CD46: variants seen among roughly 807,000 people sequenced by gnomAD.
The protein encoded by CD46 is CD46 molecule.
In CD46, 30 loss-of-function variants were observed where a neutral mutation model predicts 53.3. That is an observed-to-expected ratio of 0.56 (90% confidence interval 0.42 to 0.76). The LOEUF is 0.76. Among genes scored for constraint, CD46 ranks in the 30% least tolerant of loss-of-function variants. The pLI is 0.00. For synonymous variants in CD46, 142 were observed against 152.0 expected (o/e 0.93, Z 0.48); for missense variants, 409 against 463.0 (o/e 0.88, Z 1.07).
intron 12 of CD46, among the ~76,000 whole-genome samples, chr1:207,792,012 G>A (rs1253120658): frequency 6.6e-6 from 1 of 152,136 alleles, no homozygotes; most frequent in Non-Finnish European, 1.5e-5. Flanking sequence ...GCCAGTCCTG[G>A]TGGCTCACAC....
rs975930540 is a variant in CD46, at chr1:207,752,463, G to T, written c.97+154G>T. On this transcript the variant is annotated intron_variant, in intron 1 of 12. Coordinates refer to ENST00000367042, the MANE Select transcript of CD46 (RefSeq NM_172351.3). This position sits in a 1 kb window ranked among gnomAD's most constrained non-coding sequence, Gnocchi z 4.1. ...TGCTCAGATCCCGGGGGTATGTGGC[G>T]GGGAATGCGGGGACCACGCAGAGCC... 1.3e-5 allele frequency among the ~76,000 whole-genome samples: 2 copies of T among 152,232 alleles called. No individual in the cohort carries two copies. Among genetic ancestry groups the T allele is most frequent in the South Asian group, 4.1e-4 (2 of 4,830 alleles).
At chr1:207,759,959 C>T in intron 4 of CD46, 1 of 365,416 alleles carries the variant, frequency 2.7e-6, no homozygotes, top group Non-Finnish European at 4.8e-6. Context: ...ATTTCCCAGG[C>T]TGGGGTGCAG....
chr1:207,759,780 TCCTTTACAC>T, intron 4 of CD46, 56 bp downstream of exon 4: 3 of 949,914 alleles, frequency 3.2e-6, no homozygotes, highest in South Asian at 1.3e-5. Flanking sequence ...GATTTTTGCC[TCCTTTACAC>T]CCTTTACACT....
At chr1:207,790,469 T>G in intron 12 of CD46, 124 bp downstream of exon 12, 1 of 625,582 alleles carries the variant, frequency 1.6e-6, no homozygotes, top group South Asian at 1.8e-5. Context: ...GAAATTTACA[T>G]TCCTGTTCCC....
intron 8 of CD46, 69 bp from the exon 9 acceptor site, chr1:207,783,223 A>AT (rs554025340): frequency 4.6e-6 from 4 of 876,454 alleles, no homozygotes; most frequent in African/African-American, 1.7e-5. Context: ...AGTTTAAAGG[A>AT]TTTTAAGCTT....
chr1:207,793,092 T>C (rs1386101084), intron 12 of CD46, among the ~76,000 whole-genome samples: 1 of 152,242 alleles, frequency 6.6e-6, no homozygotes, highest in African/African-American at 2.4e-5. Context: ...ATACATGATT[T>C]TCTTGACAGT....
chr1:207,790,289 A>G lies in CD46; in HGVS notation c.1119A>G (p.Lys373=). 6.3e-7 allele frequency: 1 copy of G among 1,598,202 alleles called. No individual in the cohort carries two copies. The highest frequency in any genetic ancestry group is 8.6e-7 in the Non-Finnish European group (1 of 1,165,694). Residue 373 remains lysine, a synonymous_variant, in exon 12 of 13, where the codon AAA becomes AAG. Coordinates refer to ENST00000367042, the MANE Select transcript of CD46 (RefSeq NM_172351.3). ...YLTDETHREV[K]FTSL ...CTGATGAGACCCACAGAGAAGTAAA[A>G]TTTACTTCTCTCTGAGAAGGAGAGA...
At chr1:207,791,790 G>A (rs945479048) in intron 12 of CD46, among the ~76,000 whole-genome samples, 18 of 152,148 alleles carry the variant, frequency 1.2e-4, no homozygotes, top group Non-Finnish European at 1.5e-4. Flanking sequence ...CAGGGTATCT[G>A]TAAACATTTG....
chr1:207,790,056 AAAGTTC>A (rs1478163462), intron 11 of CD46, among the ~76,000 whole-genome samples, 191 bp from the exon 12 acceptor site: 1 of 152,168 alleles, frequency 6.6e-6, no homozygotes, highest in Non-Finnish European at 1.5e-5. Context: ...ATATGACTTC[AAAGTTC>A]AAGTAGCTTC....
chr1:207,773,047 T>G (rs1168730896), intron 8 of CD46, among the ~76,000 whole-genome samples: 1 of 152,252 alleles, frequency 6.6e-6, no homozygotes, highest in Non-Finnish European at 1.5e-5. Flanking sequence ...TTTTGGTTGG[T>G]AGGCTATTAA....
intron 3 of CD46, among the ~76,000 whole-genome samples, chr1:207,758,639 T>C (rs372015308): frequency 1.8e-4 from 27 of 152,260 alleles, no homozygotes; most frequent in African/African-American, 6.3e-4. Context: ...TGAGTTTTGG[T>C]AGAGACAAAC....
intron 5 of CD46, among the ~76,000 whole-genome samples, chr1:207,764,384 G>A (rs1019263464): frequency 3.3e-5 from 5 of 152,178 alleles, no homozygotes; most frequent in African/African-American, 7.2e-5. Context: ...ATTAATGGCC[G>A]CTCGATCTTG....
intron 10 of CD46, 114 bp downstream of exon 10, chr1:207,785,220 C>G (rs373908494): frequency 1.2e-6 from 1 of 821,970 alleles, no homozygotes; most frequent in Non-Finnish European, 2.0e-6. Flanking sequence ...TTGGTTAAAC[C>G]GATTTAGGAA....
intron 8 of CD46, among the ~76,000 whole-genome samples, chr1:207,781,605 T>C (rs1393233516): frequency 1.3e-5 from 2 of 152,238 alleles, no homozygotes; most frequent in African/African-American, 2.4e-5. Flanking sequence ...TGTGTTTGTA[T>C]ATGATAAGGG....
chr1:207,761,459 T>C lies in CD46; in HGVS notation c.673+13T>C, dbSNP rs1350693966. On this transcript the variant is annotated intron_variant, in intron 5 of 12. Transcript: ENST00000367042. Reference sequence around the variant, plus strand: ...CCAGAGTGTAAAGGTAGTGTTTCAATTTATTTCCTTCTTCATTTGTAAATA... The same window carrying C: ...CCAGAGTGTAAAGGTAGTGTTTCAACTTATTTCCTTCTTCATTTGTAAATA... The C allele has an allele frequency of 6.3e-7, 1 of 1,599,810 alleles. No individual in the cohort carries two copies. The highest frequency in any genetic ancestry group is 1.1e-5 in the South Asian group (1 of 90,776).
chr1:207,781,466 GCCTGGGCTTTTAGAGTCACAT>G (rs1658728894), intron 8 of CD46, among the ~76,000 whole-genome samples: 2 of 151,916 alleles, frequency 1.3e-5, no homozygotes, highest in Admixed American at 1.3e-4. Flanking sequence ...TTCTTGTCTT[GCCTGGGCTTTTAGAGTCACAT>G]CCAATAAATC....
At chr1:207,760,313 A>G (rs1656036171) in intron 4 of CD46, 1 of 152,906 alleles carries the variant, frequency 6.5e-6, no homozygotes, top group East Asian at 1.9e-4. Flanking sequence ...TATCTCTTCA[A>G]CATCTGGCTT....
chr1:207,788,669 G>C (rs1051396119), intron 11 of CD46, among the ~76,000 whole-genome samples: 1 of 152,182 alleles, frequency 6.6e-6, no homozygotes, highest in Non-Finnish European at 1.5e-5. Flanking sequence ...CTCCACTTCC[G>C]GGGGTAACTG....
At chr1:207,761,543 TTCC>T (rs1482336751) in intron 5 of CD46, 97 bp downstream of exon 5, 1 of 925,220 alleles carries the variant, frequency 1.1e-6, no homozygotes, top group South Asian at 1.4e-5. Context: ...GTGTATGTGC[TTCC>T]TCCTCCTGTA....
Sources: allele counts gnomAD v4.1 joint callset (sites outside exome capture counted in the v4.1 genomes callset), GRCh38; gene constraint gnomAD v4.1.1; non-coding constraint Gnocchi (gnomAD v3.1); transcripts MANE v1.5; gene names NCBI Gene and HGNC (gene_info 2026-07-23, HGNC 2026-07-21).